The following CAND1 variants were observed in gnomAD, a reference collection of about 807,000 sequenced individuals.
The protein encoded by CAND1 is cullin associated and neddylation dissociated 1.
CAND1 carries 7 observed loss-of-function variants against 108.5 expected under a neutral mutation model. That is an observed-to-expected ratio of 0.06 (90% CI 0.04 to 0.12). The LOEUF (loss-of-function observed/expected upper bound fraction) is 0.12. Among genes scored for constraint, CAND1 ranks in the 10% least tolerant of loss-of-function variants. The probability of loss-of-function intolerance (pLI) is 1.00; values close to 1 mark genes in which losing one functional copy is unlikely to be tolerated. For missense variants in CAND1, 941 were observed against 1,448.7 expected, an observed-to-expected ratio of 0.65 and a Z score of 5.69; for synonymous variants, 534 against 512.0, an observed-to-expected ratio of 1.04 and a Z score of -0.58.
At chr12:67,319,953 A>ATTTTTTTT (rs1451906992), downstream of CAND1, 7 of 152,190 alleles carry the variant, frequency 4.6e-5, no homozygotes, top group African/African-American at 1.7e-4. Context: ...AGCACATCAG[A>ATTTTTTTT]TTTTTTGCCA....
At chr12:67,295,213 TA>T in intron 4 of CAND1, 57 bp downstream of exon 4, 1 of 1,464,468 alleles carries the variant, frequency 6.8e-7, no homozygotes, top group Non-Finnish European at 9.3e-7. Context: ...ATTAATTTAC[TA>T]AAAACCCTTT....
chr12:67,302,097 T>C (rs1346216941), intron 7 of CAND1, among the ~76,000 whole-genome samples: 1 of 152,212 alleles, frequency 6.6e-6, no homozygotes, highest in Non-Finnish European at 1.5e-5. Flanking sequence ...TTTAACTAAT[T>C]AAAAATACCA....
intron 1 of CAND1, among the ~76,000 whole-genome samples, chr12:67,276,724 T>TA (rs1203683134): frequency 2.0e-5 from 3 of 152,220 alleles, no homozygotes; most frequent in Non-Finnish European, 4.4e-5. Context: ...AAGAAAACAA[T>TA]ATGCCTTAGC....
In CAND1 at chr12:67,282,297, A is replaced by C. The variant is rs187475625; in HGVS notation, c.212+244A>C. ...TTACGAAGTGCATGTAGGGAACTCC[A>C]AAAACAATGGTTCTCTCATTTGTTT... On this transcript the variant is annotated intron_variant, in intron 2 of 14. Coordinates refer to ENST00000545606, the MANE Select transcript of CAND1 (RefSeq NM_018448.5). 3 of 314,424 alleles carry C rather than the reference A, an allele frequency of 9.5e-6. No homozygotes were observed. The East Asian group carries it at 1.9e-4, about 20-fold the overall frequency. 19.5% of individuals were successfully genotyped at this position (314,424 alleles called of 1,614,324 possible).
intron 1 of CAND1, among the ~76,000 whole-genome samples, chr12:67,271,238 A>G (rs1775488009): frequency 1.3e-5 from 2 of 152,216 alleles, no homozygotes; most frequent in Non-Finnish European, 2.9e-5. Context: ...GCCAAAATTA[A>G]GATTCTTGGG....
intron 1 of CAND1, 182 bp downstream of exon 1, chr12:67,269,967 A>C (rs534293663): frequency 7.1e-5 from 39 of 549,038 alleles, no homozygotes; most frequent in African/African-American, 2.1e-5. Context: ...CCCCTCTTGC[A>C]ACCCCCTCCC....
At chr12:67,291,933 C>T (rs558859319) in intron 2 of CAND1, among the ~76,000 whole-genome samples, 31 of 152,284 alleles carry the variant, frequency 2.0e-4, no homozygotes, top group East Asian at 9.6e-4. Flanking sequence ...GGTACAATCT[C>T]GGCTCACTGC....
intron 8 of CAND1, among the ~76,000 whole-genome samples, chr12:67,303,809 G>A (rs993708314): frequency 6.6e-6 from 1 of 152,106 alleles, no homozygotes; most frequent in African/African-American, 2.4e-5. Flanking sequence ...CATTTGAAGT[G>A]AGGTTGATTC....
rs2045013347 is a variant in CAND1 at position 67,316,988 on chromosome 12, A to G, written c.*4158A>G. The G allele has an allele frequency of 6.6e-6, 1 of 152,230 alleles. No individual in the cohort carries two copies. Among genetic ancestry groups the G allele is most frequent in the African/African-American group, 2.4e-5 (1 of 41,452 alleles). The allele number at this position is 152,230 out of a possible 1,614,324, so 9.4% of individuals were successfully genotyped here. A position where few individuals can be genotyped will look rare whatever the true frequency, so the allele number is the denominator to read the frequency against. ...ACATAGTGAGACCCTGTCTCTACCA[A>G]AAAGAAGAAAAAAGAAATCAACAAC... On this transcript the variant is annotated 3_prime_UTR_variant, in exon 15 of 15. Transcript: ENST00000545606.
chr12:67,302,960 T>G (rs979871676), intron 8 of CAND1, among the ~76,000 whole-genome samples: 1 of 152,212 alleles, frequency 6.6e-6, no homozygotes, highest in African/African-American at 2.4e-5. Flanking sequence ...GGCAAGTTAT[T>G]TAGTCATTTT....
At chr12:67,296,586 C>T (rs555007073) in intron 4 of CAND1, among the ~76,000 whole-genome samples, 51 of 152,074 alleles carry the variant, frequency 3.4e-4, no homozygotes, top group African/African-American at 1.2e-3. Flanking sequence ...AGGTGCCCAC[C>T]ACCTCCACTG....
At chr12:67,297,278 A>T in intron 4 of CAND1, 129 bp from the exon 5 acceptor site, 1 of 858,278 alleles carries the variant, frequency 1.2e-6, no homozygotes, top group Non-Finnish European at 1.9e-6. Context: ...TTTTTCTTTC[A>T]CTATGAATTA....
intron 2 of CAND1, among the ~76,000 whole-genome samples, chr12:67,284,958 T>G (rs2044656516): frequency 6.6e-6 from 1 of 152,132 alleles, no homozygotes; most frequent in African/African-American, 2.4e-5. Flanking sequence ...AATTGAAAAG[T>G]TTATGTGGGA....
At position 67,316,571 on chromosome 12, in the gene CAND1, C is replaced by G. The variant is rs2136027944; in HGVS notation, c.*3741C>G. Reference sequence around the variant, plus strand: ...ATGCATATAATTTTACTTTTTTGGACCCTATAATGCCAGTGTGTCAGGTTT... The same window carrying G: ...ATGCATATAATTTTACTTTTTTGGAGCCTATAATGCCAGTGTGTCAGGTTT... On this transcript the variant is annotated 3_prime_UTR_variant, in exon 15 of 15. Transcript: ENST00000545606. 1 of 152,166 alleles carries G rather than the reference C, an allele frequency of 6.6e-6. No individual in the cohort carries two copies. Among genetic ancestry groups the G allele is most frequent in the South Asian group, 2.1e-4 (1 of 4,822 alleles). 9.4% of individuals were successfully genotyped at this position (152,166 alleles called of 1,614,324 possible).
chr12:67,296,608 T>TATTTTTAGTAGA (rs1362552339), intron 4 of CAND1, among the ~76,000 whole-genome samples: 1 of 151,984 alleles, frequency 6.6e-6, no homozygotes, highest in Admixed American at 6.6e-5. Context: ...CTAATTTTTG[T>TATTTTTAGTAGA]ATTTTTAGTA....
At chr12:67,285,989 G>A (rs1470585971) in intron 2 of CAND1, among the ~76,000 whole-genome samples, 1 of 152,002 alleles carries the variant, frequency 6.6e-6, no homozygotes, top group African/African-American at 2.4e-5. Flanking sequence ...TAGGACATGT[G>A]TCTTTGTTTT....
chr12:67,290,835 C>G (rs1184964894), intron 2 of CAND1, among the ~76,000 whole-genome samples: 1 of 152,138 alleles, frequency 6.6e-6, no homozygotes, highest in Admixed American at 6.5e-5. Flanking sequence ...AGGAGGAGAG[C>G]AGAGGGCGAG....
In CAND1 at chr12:67,314,460, T is replaced by TTC. The variant is rs2044987858; in HGVS notation, c.*1630_*1631insTC. On this transcript the variant is annotated 3_prime_UTR_variant, in exon 15 of 15. Coordinates refer to ENST00000545606, the MANE Select transcript of CAND1 (RefSeq NM_018448.5). ...CATTTCAAAATGTGGCAGGTGATAA[T>TTC]CTTTTACCATAATTTGCATAAAACT... 1 of 152,246 alleles carries TTC rather than the reference T, an allele frequency of 6.6e-6. No individual in the cohort carries two copies. Among genetic ancestry groups the TTC allele is most frequent in the Admixed American group, 6.5e-5 (1 of 15,284 alleles). The allele number at this position is 152,246 out of a possible 1,614,324, so 9.4% of individuals were successfully genotyped here. A position where few individuals can be genotyped will look rare whatever the true frequency, so the allele number is the denominator to read the frequency against.
chr12:67,289,928 A>G (rs983933194), intron 2 of CAND1, among the ~76,000 whole-genome samples: 2 of 152,152 alleles, frequency 1.3e-5, no homozygotes, highest in Admixed American at 1.3e-4. Context: ...TATTTGAGAC[A>G]CTGATCTGAG....
Sources: allele counts gnomAD v4.1 joint callset (sites outside exome capture counted in the v4.1 genomes callset), GRCh38; gene constraint gnomAD v4.1.1; transcripts MANE v1.5; gene names NCBI Gene and HGNC (gene_info 2026-07-23, HGNC 2026-07-21).